Variants in MAST4 observed in about 807,000 individuals in gnomAD.
MAST4 encodes microtubule-associated serine/threonine-protein kinase 4.
MAST4 carries 89 observed loss-of-function variants against 162.7 expected under a neutral mutation model. That is an observed-to-expected ratio of 0.55 (90% CI 0.46 to 0.65). The LOEUF is 0.65. Ranked by LOEUF, MAST4 falls within the 30% of genes least tolerant of loss-of-function variation. The pLI is 0.00. For missense variants in MAST4, 3,153 were observed against 3,374.0 expected, an observed-to-expected ratio of 0.93 and a Z score of 1.62; for synonymous variants, 1,479 against 1,361.1, an observed-to-expected ratio of 1.09 and a Z score of -1.91.
intron 1 of MAST4, among the ~76,000 whole-genome samples, chr5:66,654,563 A>C (rs1344705783): frequency 6.6e-6 from 1 of 152,228 alleles, no homozygotes; most frequent in Admixed American, 6.5e-5. Context: ...GATAGGAGAA[A>C]ATTAAAGATT....
In MAST4 at chr5:67,136,599, C is replaced by A. The variant is rs750461908; in HGVS notation, c.2429C>A (p.Pro810Gln). 1.2e-6 allele frequency: 2 copies of A among 1,606,984 alleles called. No homozygotes were observed. Among genetic ancestry groups the A allele is most frequent in the South Asian group, 1.1e-5 (1 of 88,974 alleles). The change falls in exon 19 of 29, where the codon CCA becomes CAA. Residue 810 changes from proline to glutamine, a missense_variant. Pro to Gln is a moderately conservative substitution (Grantham distance 76). Around this residue, in one of 7 missense-constraint regions of MAST4, gnomAD observed 62 missense variants for 63.1 expected, o/e 0.98. Transcript: ENST00000403625. ...INWPEKDEAP[P>Q]PDAQDLITLL... Reference sequence around the variant, plus strand: ...TGGCCTGAGAAGGATGAGGCACCCCCACCTGATGCCCAGGATCTGATTACC... The same window carrying A: ...TGGCCTGAGAAGGATGAGGCACCCCAACCTGATGCCCAGGATCTGATTACC...
At chr5:66,783,937 T>G (rs1754992773) in intron 2 of MAST4, among the ~76,000 whole-genome samples, 1 of 152,132 alleles carries the variant, frequency 6.6e-6, no homozygotes, top group Non-Finnish European at 1.5e-5. Flanking sequence ...CCATGCTTGG[T>G]CTCATTGAGC....
chr5:66,681,813 T>G (rs1204641848), intron 1 of MAST4, among the ~76,000 whole-genome samples: 1 of 152,232 alleles, frequency 6.6e-6, no homozygotes, highest in African/African-American at 2.4e-5. Flanking sequence ...TGCCTCTTCA[T>G]TAAACAACAA....
intron 3 of MAST4, among the ~76,000 whole-genome samples, chr5:66,889,207 G>A (rs892903383): frequency 1.3e-5 from 2 of 152,180 alleles, no homozygotes; most frequent in Non-Finnish European, 2.9e-5. Flanking sequence ...TGAAAAAATT[G>A]TGGAGCCTTG....
chr5:66,879,801 C>T (rs1158229883), intron 3 of MAST4, among the ~76,000 whole-genome samples: 3 of 152,220 alleles, frequency 2.0e-5, no homozygotes, highest in Non-Finnish European at 4.4e-5. Flanking sequence ...GCATGAGACA[C>T]TGGTCTGGGA....
intron 3 of MAST4, among the ~76,000 whole-genome samples, chr5:66,811,336 T>C (rs1756465926): frequency 6.6e-6 from 1 of 152,222 alleles, no homozygotes; most frequent in Non-Finnish European, 1.5e-5. Flanking sequence ...CTTTTTGTTT[T>C]TAATGACACC....
At chr5:67,093,762 G>T in intron 6 of MAST4, 2 of 385,782 alleles carry the variant, frequency 5.2e-6, no homozygotes, top group South Asian at 3.9e-5. Flanking sequence ...CAAAATCATG[G>T]TGGGGAGAAA....
intron 4 of MAST4, among the ~76,000 whole-genome samples, chr5:66,906,155 A>G (rs984254833): frequency 5.9e-5 from 9 of 152,330 alleles, no homozygotes; most frequent in African/African-American, 1.9e-4. Flanking sequence ...CTTATGCTAC[A>G]AAGAGCCTGT....
chr5:67,163,024 A>T lies in MAST4; in HGVS notation c.3968-123A>T. The T allele has an allele frequency of 8.5e-7, 1 of 1,179,798 alleles. No homozygotes were observed. Among genetic ancestry groups the T allele is most frequent in the Non-Finnish European group, 1.2e-6 (1 of 835,998 alleles). The allele number at this position is 1,179,798 out of a possible 1,614,324, so 73.1% of individuals were successfully genotyped here. A position where few individuals can be genotyped will look rare whatever the true frequency, so the allele number is the denominator to read the frequency against. ...TTATCTGAAAAGTGTTTATTCCACT[A>T]GCTAAATGCTGAGACAATTTGCTGA... is the stretch of plus-strand genomic sequence containing the variant. On this transcript the variant is annotated intron_variant, in intron 28 of 28. Transcript: ENST00000403625. The surrounding 1 kb of genome is among the most constrained non-coding windows in gnomAD (Gnocchi z 7.0).
intron 4 of MAST4, among the ~76,000 whole-genome samples, chr5:66,937,678 T>C (rs1561461277): frequency 6.6e-6 from 1 of 152,142 alleles, no homozygotes; most frequent in Non-Finnish European, 1.5e-5. Flanking sequence ...CAACTATTCA[T>C]TTTTTTCTAG....
At chr5:66,809,158 C>T (rs964071576) in intron 3 of MAST4, among the ~76,000 whole-genome samples, 1 of 152,162 alleles carries the variant, frequency 6.6e-6, no homozygotes, top group African/African-American at 2.4e-5. Flanking sequence ...ACAGAACTTC[C>T]CCTCAGCCAC....
At chr5:66,791,446 A>G (rs768695733) in intron 3 of MAST4, among the ~76,000 whole-genome samples, 7 of 152,276 alleles carry the variant, frequency 4.6e-5, no homozygotes, top group Non-Finnish European at 7.3e-5. Flanking sequence ...GGTTGCAGTA[A>G]GAACTATTAA....
At chr5:66,930,621 G>A in intron 4 of MAST4, 1 of 432,190 alleles carries the variant, frequency 2.3e-6, no homozygotes. Context: ...AATTTTTTAT[G>A]TCTCAAGGAA....
chr5:66,722,270 T>C (rs1027960243), intron 1 of MAST4, among the ~76,000 whole-genome samples: 4 of 152,152 alleles, frequency 2.6e-5, no homozygotes, highest in African/African-American at 9.7e-5. Context: ...CCGTGTTTTT[T>C]AGATGTGCCA....
chr5:66,735,801 T>A (rs1752121632), intron 1 of MAST4, among the ~76,000 whole-genome samples: 1 of 152,172 alleles, frequency 6.6e-6, no homozygotes, highest in Non-Finnish European at 1.5e-5. Flanking sequence ...CACCCCCATT[T>A]GTGGTGTAAT....
At chr5:66,729,483 G>C (rs1307107762) in intron 1 of MAST4, among the ~76,000 whole-genome samples, 1 of 152,160 alleles carries the variant, frequency 6.6e-6, no homozygotes, top group Non-Finnish European at 1.5e-5. Context: ...TCTGACTACA[G>C]CATTCTTTTT....
At position 66,990,738 on chromosome 5, in the gene MAST4, T is replaced by C. The variant is rs564047320; in HGVS notation, c.675-63666T>C. On this transcript the variant is annotated intron_variant, in intron 4 of 28. Transcript: ENST00000403625. ...CTCAGTTGTTGATAAACTTACCTGGTCATGTTTCTCTATGAGACTTTTTCT... is the reference window on the plus strand; with the variant it reads ...CTCAGTTGTTGATAAACTTACCTGGCCATGTTTCTCTATGAGACTTTTTCT... Among the ~76,000 whole-genome samples the C allele has an allele frequency of 2.0e-5, 3 of 152,338 alleles. No homozygotes were observed. In the South Asian group the frequency reaches 6.2e-4, roughly 32 times the overall value.
At chr5:66,678,701 G>A (rs1748120734) in intron 1 of MAST4, among the ~76,000 whole-genome samples, 1 of 151,980 alleles carries the variant, frequency 6.6e-6, no homozygotes, top group South Asian at 2.1e-4. Context: ...CACCATGTTG[G>A]CCACAATGGT....
Position 66,596,774 on chromosome 5 carries a change from A to T in MAST4, c.119A>T (p.Glu40Val), listed in dbSNP as rs901247138. Residue 40 changes from glutamate to valine, a missense_variant, in exon 1 of 29, where the codon GAG becomes GTG. By Grantham distance (121) the Glu-to-Val change is moderately radical. Around this residue, in one of 7 missense-constraint regions of MAST4, gnomAD observed 327 missense variants for 336.5 expected, o/e 0.97. Coordinates refer to ENST00000403625, the MANE Select transcript of MAST4 (RefSeq NM_001164664.2). The part of the protein sequence containing the change: ...AASSPGASSA[E>V]SSSGSETLSE... ...TCCTCTCCGGGTGCTTCCTCGGCCG[A>T]GTCCTCCTCGGGCTCAGAAACTCTG... 2.9e-6 allele frequency: 4 copies of T among 1,384,330 alleles called. No homozygotes were observed. In the Admixed American group the frequency reaches 1.3e-4, roughly 44 times the overall value. 85.8% of individuals were successfully genotyped at this position (1,384,330 alleles called of 1,614,324 possible).
Sources: allele counts gnomAD v4.1 joint callset (sites outside exome capture counted in the v4.1 genomes callset), GRCh38; gene constraint gnomAD v4.1.1; regional missense constraint gnomAD v4.1.1; non-coding constraint Gnocchi (gnomAD v3.1); transcripts MANE v1.5; gene names NCBI Gene and HGNC (gene_info 2026-07-23, HGNC 2026-07-21).